The following PCNT variants were observed in gnomAD, a reference collection of about 807,000 sequenced individuals.
PCNT encodes the protein kendrin.
In PCNT, 319 loss-of-function variants were observed where a neutral mutation model predicts 380.4. The ratio of observed to expected loss-of-function variants is 0.84; its 90% confidence interval spans 0.77 to 0.92. The LOEUF is 0.92. Ranked by LOEUF, PCNT falls within the 40% of genes least tolerant of loss-of-function variation. The pLI is 0.00. For synonymous variants in PCNT, 1,845 were observed against 1,735.2 expected, an observed-to-expected ratio of 1.06 and a Z score of -1.57; for missense variants, 4,400 against 4,255.3, an observed-to-expected ratio of 1.03 and a Z score of -0.95.
At chr21:46,397,577 G>A in intron 22 of PCNT, 83 bp downstream of exon 22, 2 of 1,171,500 alleles carry the variant, frequency 1.7e-6, no homozygotes, top group Admixed American at 3.7e-5. Flanking sequence ...CGTTACGTAA[G>A]CTTCTGCAGT....
rs536931271 is a variant in PCNT, at chr21:46,388,066, C to T, written c.3465-676C>T. 6.6e-6 allele frequency among the ~76,000 whole-genome samples: 1 copy of T among 152,030 alleles called. No individual in the cohort carries two copies. Among genetic ancestry groups the T allele is most frequent in the African/African-American group, 2.4e-5 (1 of 41,396 alleles). On this transcript the variant is annotated intron_variant, in intron 17 of 46. Transcript: ENST00000359568. This position sits in a 1 kb window ranked among gnomAD's most constrained non-coding sequence, Gnocchi z 4.2. ...TCTACTAAAAATACAAAAAATTAGC[C>T]GGGCGTGGTGACAGACGCCTGTAGT...
Position 46,437,206 on chromosome 21 carries a change from C to G in PCNT, c.9099+125C>G, listed in dbSNP as rs1052610535. 1.7e-5 allele frequency: 12 copies of G among 693,554 alleles called. No individual in the cohort carries two copies. In the Admixed American group the frequency reaches 2.2e-4, roughly 13 times the overall value. 43.0% of individuals were successfully genotyped at this position (693,554 alleles called of 1,614,324 possible). A position where few individuals can be genotyped will look rare whatever the true frequency, so the allele number is the denominator to read the frequency against. ...CCTCCCTCGCTGCCTTCTCTGAATTCATGGTTGCTATCTGGGTGAGTGGGT... is the reference window on the plus strand; with the variant it reads ...CCTCCCTCGCTGCCTTCTCTGAATTGATGGTTGCTATCTGGGTGAGTGGGT... On this transcript the variant is annotated intron_variant, in intron 40 of 46. Coordinates refer to ENST00000359568, the MANE Select transcript of PCNT (RefSeq NM_006031.6).
chr21:46,393,101 G>T (rs2147334524), intron 21 of PCNT, among the ~76,000 whole-genome samples: 1 of 152,222 alleles, frequency 6.6e-6, no homozygotes, highest in South Asian at 2.1e-4. Flanking sequence ...CCTGCTGCCG[G>T]GCTCAGGGCG....
chr21:46,412,132 A>G, intron 28 of PCNT, 65 bp downstream of exon 28: 2 of 1,548,562 alleles, frequency 1.3e-6, no homozygotes, highest in Non-Finnish European at 1.7e-6. Context: ...CTTTGATGTC[A>G]ATGACTTCTC....
Position 46,378,074 on chromosome 21 carries a change from G to A in PCNT, c.3166-3620G>A, listed in dbSNP as rs1267504092. On this transcript the variant is annotated intron_variant, in intron 15 of 46. Transcript: ENST00000359568. Reference sequence around the variant, plus strand: ...GGTATGTGTTTTCTGCATATCTTATGCCCTTTTTGTTCTGTATTCCTCCAT... The same window carrying A: ...GGTATGTGTTTTCTGCATATCTTATACCCTTTTTGTTCTGTATTCCTCCAT... Among the ~76,000 whole-genome samples, 9 of 152,058 alleles carry A rather than the reference G, an allele frequency of 5.9e-5. No individual in the cohort carries two copies. The East Asian group carries it at 1.5e-3, about 26-fold the overall frequency.
intron 5 of PCNT, 63 bp downstream of exon 5, chr21:46,347,061 T>A (rs2084095939): frequency 4.5e-6 from 7 of 1,552,662 alleles, no homozygotes; most frequent in Non-Finnish European, 6.1e-6. Context: ...CTAGTGCCTG[T>A]TCCCTCTTGG....
intron 13 of PCNT, among the ~76,000 whole-genome samples, chr21:46,359,201 C>G (rs913838848): frequency 7.9e-5 from 12 of 151,394 alleles, no homozygotes; most frequent in African/African-American, 2.9e-4. Context: ...GATCTGCCCG[C>G]CTTGGCCTCC....
chr21:46,422,986 G>T (rs1418211884), intron 32 of PCNT, among the ~76,000 whole-genome samples: 3 of 152,186 alleles, frequency 2.0e-5, no homozygotes, highest in African/African-American at 7.2e-5. Context: ...GGTGGCTCAT[G>T]CCTATGATCC....
At chr21:46,429,856 T>C (rs1326705956) in intron 35 of PCNT, among the ~76,000 whole-genome samples, 154 bp from the exon 36 acceptor site, 46 of 152,062 alleles carry the variant, frequency 3.0e-4, no homozygotes, top group Admixed American at 3.0e-3. Flanking sequence ...AGCATCCTGG[T>C]TCCACCCGCA....
rs1481179601 is a variant in PCNT at position 46,389,378 on chromosome 21, C to T, written c.3787C>T (p.Leu1263Phe). 10 of 1,614,078 alleles carry T rather than the reference C, an allele frequency of 6.2e-6. No individual in the cohort carries two copies. The highest frequency in any genetic ancestry group is 5.5e-5 in the South Asian group (5 of 91,092). ...EQPIRRVFQS[L>F]SLAVDGLMEM... is the part of the protein sequence containing the mutation. Reference sequence around the variant, plus strand: ...GCCCATCCGGAGGGTCTTCCAGAGCCTCAGCCTGGCCGTGGACGGCCTCAT... The same window carrying T: ...GCCCATCCGGAGGGTCTTCCAGAGCTTCAGCCTGGCCGTGGACGGCCTCAT... The change falls in exon 19 of 47, where the codon CTC becomes TTC. Residue 1263 changes from leucine (L) to phenylalanine (F), a missense_variant. Physicochemically the swap from Leu to Phe is conservative, Grantham distance 22. Coordinates refer to ENST00000359568, the MANE Select transcript of PCNT (RefSeq NM_006031.6).
intron 3 of PCNT, among the ~76,000 whole-genome samples, chr21:46,339,744 C>T (rs1180084248): frequency 1.3e-5 from 2 of 152,208 alleles, no homozygotes; most frequent in South Asian, 2.1e-4. Context: ...CCTTTGGCAA[C>T]ACCCTCACAG....
chr21:46,392,678 ATTC>A (rs2147328785), intron 21 of PCNT, among the ~76,000 whole-genome samples: 2 of 152,200 alleles, frequency 1.3e-5, no homozygotes, highest in African/African-American at 4.8e-5. Context: ...CAAGCTTATA[ATTC>A]TTTGGCCCAG....
At chr21:46,384,248 A>G (rs1274958755) in intron 16 of PCNT, among the ~76,000 whole-genome samples, 2 of 147,940 alleles carry the variant, frequency 1.4e-5, no homozygotes, top group Admixed American at 6.8e-5. Context: ...GCGGAAGCGC[A>G]TTCACAGTGT....
rs1229082319 is a variant in PCNT at position 46,363,902 on chromosome 21, C to CTGCG, written c.2578_2581dup (p.Ala861ValfsTer17). 6.2e-7 allele frequency: 1 copy of CTGCG among 1,610,688 alleles called. No individual in the cohort carries two copies. The highest frequency in any genetic ancestry group is 1.3e-5 in the African/African-American group (1 of 74,932). ...TTGCTGCGCTCCACGTGAAGGAAGA[C>CTGCG]TGCGCCCTGCAGCTGATGCTGGCCC... On this transcript the variant is annotated frameshift_variant, in exon 14 of 47. Transcript: ENST00000359568. LOFTEE classifies it high-confidence loss of function.
At chr21:46,328,254 GT>G (rs34324198) in intron 2 of PCNT, among the ~76,000 whole-genome samples, 53 of 123,732 alleles carry the variant, frequency 4.3e-4, no homozygotes, top group African/African-American at 1.2e-3. Context: ...GGGTTGGTGT[GT>G]TTTTTTTTTT....
intron 38 of PCNT, among the ~76,000 whole-genome samples, chr21:46,434,025 C>A (rs112057218): frequency 5.9e-5 from 9 of 152,296 alleles, no homozygotes; most frequent in African/African-American, 1.9e-4. Flanking sequence ...TTGATCCGCC[C>A]ACCTTGGCCT....
chr21:46,329,386 G>C (rs936097733), intron 2 of PCNT, among the ~76,000 whole-genome samples: 4 of 152,214 alleles, frequency 2.6e-5, no homozygotes, highest in African/African-American at 9.6e-5. Flanking sequence ...ATTAACAGTG[G>C]TGGTCAGAAA....
intron 33 of PCNT, among the ~76,000 whole-genome samples, chr21:46,427,145 T>C (rs1460020842): frequency 6.6e-6 from 1 of 152,226 alleles, no homozygotes; most frequent in African/African-American, 2.4e-5. Context: ...GGAAGGAGCT[T>C]TGCTGACATT....
chr21:46,428,370 G>A, intron 34 of PCNT, 25 bp from the exon 35 acceptor site: 1 of 1,607,364 alleles, frequency 6.2e-7, no homozygotes, highest in Admixed American at 1.7e-5. Flanking sequence ...CAATGCTCAG[G>A]CTGCTTGTCC....
Sources: gnomAD v4.1 joint callset for allele counts (sites outside exome capture counted in the v4.1 genomes callset) on GRCh38, gnomAD v4.1.1 for gene constraint, Gnocchi (gnomAD v3.1) non-coding constraint, MANE v1.5 for transcripts, NCBI Gene and HGNC (gene_info 2026-07-23, HGNC 2026-07-21) for gene names.